Variants in TRPC1 observed in about 807,000 individuals in gnomAD.
TRPC1 encodes the protein short transient receptor potential channel 1.
TRPC1 carries 42 observed loss-of-function variants against 88.2 expected under a neutral mutation model. The observed-to-expected ratio is 0.48, with a 90% confidence interval of 0.37 to 0.62. The LOEUF is 0.62. Ranked by LOEUF, TRPC1 falls within the 20% of genes least tolerant of loss-of-function variation. The pLI, the probability that TRPC1 is intolerant of heterozygous loss-of-function variation, is 0.00. For synonymous variants in TRPC1, 288 were observed against 331.8 expected (o/e 0.87, Z 1.43); for missense variants, 699 against 957.3 (o/e 0.73, Z 3.56).
chr3:142,732,847 C>T (rs1267079806), intron 1 of TRPC1, among the ~76,000 whole-genome samples: 2 of 152,156 alleles, frequency 1.3e-5, no homozygotes, highest in Admixed American at 6.5e-5. Context: ...ATTTGTCTGT[C>T]ATACACAGGC....
intron 9 of TRPC1, among the ~76,000 whole-genome samples, chr3:142,798,845 T>C (rs1361068163): frequency 2.0e-5 from 3 of 152,176 alleles, no homozygotes; most frequent in Non-Finnish European, 2.9e-5. Context: ...TATTGCTTTC[T>C]TTTGTTAGCA....
rs1420244926 is a variant in TRPC1 at position 142,780,897 on chromosome 3, C to T, written c.828C>T (p.Ala276=). ...KMFAKDLLAQ[A]RNSRELEVIL... ...TTGCTAAGGATTTACTTGCACAAGC[C>T]CGGAATTCTCGTGAATTGGAAGTTA... The change falls in exon 6 of 13, where the codon GCC becomes GCT. Residue 276 remains alanine, a synonymous_variant. Coordinates refer to ENST00000476941, the MANE Select transcript of TRPC1 (RefSeq NM_001251845.2). The T allele has an allele frequency of 6.2e-6, 10 of 1,613,672 alleles. No homozygotes were observed. The highest frequency in any genetic ancestry group is 8.5e-6 in the Non-Finnish European group (10 of 1,179,754).
chr3:142,765,104 G>T (rs1935336067), intron 4 of TRPC1, among the ~76,000 whole-genome samples: 1 of 151,944 alleles, frequency 6.6e-6, no homozygotes, highest in Non-Finnish European at 1.5e-5. Context: ...TAAGAATACA[G>T]CTAACTCAGG....
At chr3:142,758,553 G>A (rs1356066837) in intron 4 of TRPC1, among the ~76,000 whole-genome samples, 1 of 152,134 alleles carries the variant, frequency 6.6e-6, no homozygotes, top group Non-Finnish European at 1.5e-5. Context: ...TCTCTTGTCA[G>A]ATGGATAGTT....
chr3:142,805,801 CAAGAT>C (rs1936775627), intron 12 of TRPC1, among the ~76,000 whole-genome samples: 1 of 151,984 alleles, frequency 6.6e-6, no homozygotes, highest in Non-Finnish European at 1.5e-5. Context: ...TTTTTTCAAT[CAAGAT>C]AAGCATAAAA....
At chr3:142,793,708 A>T in intron 9 of TRPC1, 1 of 410,414 alleles carries the variant, frequency 2.4e-6, no homozygotes, top group Non-Finnish European at 3.3e-6. Context: ...ATGTAATACT[A>T]TAGCTTATTA....
At chr3:142,769,934 A>T (rs2108092858) in intron 4 of TRPC1, among the ~76,000 whole-genome samples, 1 of 151,810 alleles carries the variant, frequency 6.6e-6, no homozygotes, top group East Asian at 1.9e-4. Context: ...TTCCTTGTTG[A>T]TCTTTTGCCT....
Position 142,791,033 on chromosome 3 carries a change from G to C in TRPC1, c.1312G>C (p.Asp438His). ...CCTTTTCTCAGGGATGATTTGGTCA[G>C]ACATTAAAAGACTCTGGTATGAAGG... Reference protein sequence around the residue: ...ILWIIGMIWSDIKRLWYEGLE... With the variant: ...ILWIIGMIWSHIKRLWYEGLE... Residue 438 changes from aspartate to histidine, a missense_variant, in exon 8 of 13, where the codon GAC becomes CAC. This residue lies in a region of TRPC1 where 426 missense variants were observed against 641.3 expected (regional missense o/e 0.66). Transcript: ENST00000476941. The C allele has an allele frequency of 6.3e-7, 1 of 1,596,504 alleles. No homozygotes were observed. Among genetic ancestry groups the C allele is most frequent in the Non-Finnish European group, 8.5e-7 (1 of 1,173,334 alleles).
At chr3:142,801,343 A>G (rs1048363252) in intron 9 of TRPC1, 1 of 151,916 alleles carries the variant, frequency 6.6e-6, no homozygotes, top group African/African-American at 2.4e-5. Context: ...ACCTCTAACA[A>G]TGTTGCAATG....
intron 1 of TRPC1, among the ~76,000 whole-genome samples, chr3:142,734,257 T>C (rs1934038991): frequency 6.6e-6 from 1 of 151,914 alleles, no homozygotes; most frequent in Non-Finnish European, 1.5e-5. Context: ...ATGTTTAAAA[T>C]GATGAGAAAG....
rs1935959242 is a variant in TRPC1, at chr3:142,781,615, G to C, written c.960+586G>C. On this transcript the variant is annotated intron_variant, in intron 6 of 12. Transcript: ENST00000476941. Reference sequence around the variant, plus strand: ...CTGGCATCATCCCTTTCTATTAAGAGATATGCCCATTTCTACTCCCCATGC... The same window carrying C: ...CTGGCATCATCCCTTTCTATTAAGACATATGCCCATTTCTACTCCCCATGC... 2.0e-5 allele frequency among the ~76,000 whole-genome samples: 3 copies of C among 152,126 alleles called. No individual in the cohort carries two copies. In the South Asian group the frequency reaches 6.2e-4, roughly 32 times the overall value.
intron 1 of TRPC1, among the ~76,000 whole-genome samples, chr3:142,727,700 G>GA (rs147450123): frequency 5.5e-4 from 84 of 152,232 alleles, no homozygotes; most frequent in Middle Eastern, 3.4e-3. Context: ...AAAATTCTCA[G>GA]AAAGTATACT....
rs1203095160 is a variant in TRPC1 at position 142,792,327 on chromosome 3, C to T, written c.1438-497C>T. On this transcript the variant is annotated intron_variant, in intron 8 of 12. Coordinates refer to ENST00000476941, the MANE Select transcript of TRPC1 (RefSeq NM_001251845.2). The surrounding 1 kb of genome is among the most constrained non-coding windows in gnomAD (Gnocchi z 4.0). ...AATTATGCCAGGACAACTGGTACAG[C>T]ATCTTAAACTATCCCAGGCAATGGG... 5.9e-5 allele frequency among the ~76,000 whole-genome samples: 9 copies of T among 151,972 alleles called. No homozygotes were observed. The highest frequency in any genetic ancestry group is 5.9e-4 in the Admixed American group (9 of 15,236).
intron 8 of TRPC1, among the ~76,000 whole-genome samples, chr3:142,791,715 T>G (rs1024601853): frequency 6.6e-6 from 1 of 152,096 alleles, no homozygotes; most frequent in Non-Finnish European, 1.5e-5. Flanking sequence ...CCATTCCATT[T>G]CATAATGAAT....
chr3:142,744,209 T>G (rs921512311), intron 3 of TRPC1, among the ~76,000 whole-genome samples: 1 of 152,116 alleles, frequency 6.6e-6, no homozygotes, highest in Non-Finnish European at 1.5e-5. Context: ...TCAAATACAG[T>G]AAGATACTAA....
chr3:142,743,665 C>T (rs989225776), intron 3 of TRPC1, 79 bp downstream of exon 3: 3 of 845,696 alleles, frequency 3.5e-6, no homozygotes, highest in Non-Finnish European at 4.9e-6. Flanking sequence ...TTTTTCCTTC[C>T]CTCAAATTTA....
At chr3:142,784,666 C>CT (rs1457913857) in intron 6 of TRPC1, 38 bp from the exon 7 acceptor site, 3 of 1,500,556 alleles carry the variant, frequency 2.0e-6, no homozygotes, top group African/African-American at 1.4e-5. Context: ...TTTCCTTTTA[C>CT]TTTTTTTCTT....
At chr3:142,769,006 T>C (rs998774379) in intron 4 of TRPC1, among the ~76,000 whole-genome samples, 1 of 152,140 alleles carries the variant, frequency 6.6e-6, no homozygotes, top group Non-Finnish European at 1.5e-5. Flanking sequence ...TTTCTGTGCC[T>C]CTTCATTTTT....
intron 9 of TRPC1, among the ~76,000 whole-genome samples, chr3:142,795,013 T>TA (rs1386959495): frequency 1.7e-4 from 26 of 151,612 alleles, no homozygotes; most frequent in East Asian, 7.7e-4. Context: ...ATGGAAGATG[T>TA]AAAAAAAAGA....
Sources: allele counts gnomAD v4.1 joint callset (sites outside exome capture counted in the v4.1 genomes callset), GRCh38; gene constraint gnomAD v4.1.1; regional missense constraint gnomAD v4.1.1; non-coding constraint Gnocchi (gnomAD v3.1); transcripts MANE v1.5; gene names NCBI Gene and HGNC (gene_info 2026-07-23, HGNC 2026-07-21).